The following SLC22A24 variants were observed in gnomAD, a reference collection of about 807,000 sequenced individuals.
SLC22A24 encodes solute carrier family 22 member 24, also known as steroid transmembrane transporter SLC22A24.
In SLC22A24, 53 loss-of-function variants were observed where a neutral mutation model predicts 49.8. That is an observed-to-expected ratio of 1.06 (90% CI 0.85 to 1.34). The LOEUF (loss-of-function observed/expected upper bound fraction) is 1.34, where lower values mean the gene tolerates loss of function less well. Ranked by LOEUF, SLC22A24 falls within the 40% of genes most tolerant of loss-of-function variation. The pLI, the probability that SLC22A24 is intolerant of heterozygous loss-of-function variation, is 0.00. For synonymous variants in SLC22A24, 302 were observed against 256.4 expected, an observed-to-expected ratio of 1.18 and a Z score of -1.70; for missense variants, 786 against 675.9, an observed-to-expected ratio of 1.16 and a Z score of -1.81.
At chr11:63,117,835 TAG>T (rs895407892) in intron 4 of SLC22A24, among the ~76,000 whole-genome samples, 7 of 152,236 alleles carry the variant, frequency 4.6e-5, no homozygotes, top group African/African-American at 1.7e-4. Context: ...GTTCAGTTTT[TAG>T]AGTCAAAATT....
Position 63,088,117 on chromosome 11 carries a change from C to T in SLC22A24, c.1071-4660G>A, listed in dbSNP as rs182529922. Among the ~76,000 whole-genome samples the T allele has an allele frequency of 1.4e-3, 212 of 152,322 alleles. 1 individual carries two copies. The highest frequency in any genetic ancestry group is 1.7e-3 in the Non-Finnish European group (119 of 68,032). ...TCCTCAAGTGGGTCCCTGACCCCCA[C>T]GCCTCCTGACAGGGAGAAACCTCCC... On this transcript the variant is annotated intron_variant, in intron 6 of 9. Transcript: ENST00000612278.
At chr11:63,108,215 T>G (rs1244714162) in intron 4 of SLC22A24, among the ~76,000 whole-genome samples, 2 of 152,334 alleles carry the variant, frequency 1.3e-5, no homozygotes, top group South Asian at 4.1e-4. Context: ...TCATTGGTTC[T>G]GTTTATGTGA....
rs1180962014 is a variant in SLC22A24, at chr11:63,124,925, G to A, written c.507-5590C>T. On this transcript the variant is annotated intron_variant, in intron 2 of 9. Transcript: ENST00000612278. ...CAATGAGAACACATGGACACAGGAA[G>A]GGGAACATCACACTCTGGGGACTGT... Among the ~76,000 whole-genome samples, 4 of 151,708 alleles carry A rather than the reference G, an allele frequency of 2.6e-5. No individual in the cohort carries two copies. The South Asian group carries it at 8.4e-4, about 32-fold the overall frequency.
intron 4 of SLC22A24, among the ~76,000 whole-genome samples, chr11:63,113,872 G>A (rs1171836942): frequency 2.3e-4 from 32 of 142,188 alleles, no homozygotes; most frequent in Non-Finnish European, 4.2e-4. Flanking sequence ...AAAAAAAAAA[G>A]GAATGTTGAA....
intron 4 of SLC22A24, chr11:63,116,318 A>G (rs2087212903): frequency 4.5e-6 from 1 of 223,688 alleles, no homozygotes; most frequent in Admixed American, 5.2e-5. Context: ...TGTGTTTGGT[A>G]TGGTTCTTGG....
chr11:63,136,061 GCTGAC>G (rs1304251262), intron 1 of SLC22A24, among the ~76,000 whole-genome samples: 1 of 152,210 alleles, frequency 6.6e-6, no homozygotes, highest in Non-Finnish European at 1.5e-5. Context: ...TGCCTCATGA[GCTGAC>G]TGCAAATAGA....
chr11:63,104,489 T>C (rs953174652), intron 4 of SLC22A24, among the ~76,000 whole-genome samples, 191 bp from the exon 5 acceptor site: 1 of 152,112 alleles, frequency 6.6e-6, no homozygotes, highest in Admixed American at 6.6e-5. Flanking sequence ...TAAGTGTTTG[T>C]TAAAGTGATT....
intron 4 of SLC22A24, among the ~76,000 whole-genome samples, chr11:63,116,842 C>T (rs2087216246): frequency 2.0e-5 from 3 of 152,102 alleles, no homozygotes. Flanking sequence ...TTTTTTTCTG[C>T]CTGCCCAACT....
At chr11:63,125,348 C>G (rs1425736911) in intron 2 of SLC22A24, among the ~76,000 whole-genome samples, 1 of 152,064 alleles carries the variant, frequency 6.6e-6, no homozygotes, top group Non-Finnish European at 1.5e-5. Flanking sequence ...TGATGTTCCC[C>G]TCCCTGTGTC....
Position 63,111,833 on chromosome 11 carries a change from T to G in SLC22A24, c.830+7079A>C, listed in dbSNP as rs934206390. 5.9e-5 allele frequency among the ~76,000 whole-genome samples: 9 copies of G among 152,238 alleles called. No individual in the cohort carries two copies. In the South Asian group the frequency reaches 1.7e-3, roughly 28 times the overall value. ...ATTCATTAATTTTTTGAAGGGTTTT[T>G]TGTGTCTCTATTTCCTTCATTTCTG... On this transcript the variant is annotated intron_variant, in intron 4 of 9. Coordinates refer to ENST00000612278, the MANE Select transcript of SLC22A24 (RefSeq NM_001136506.2).
chr11:63,119,272 C>G lies in SLC22A24; in HGVS notation c.570G>C (p.Ala190=). ...AAACAAGGAAGGTGGGAGCGAAGGC[C>G]GCACAGGTGTTAGAGATGGCCAGCT... The part of the protein sequence containing the change: ...FLQLAISNTC[A]AFAPTFLVYC... Residue 190 remains alanine (A), a synonymous_variant, in exon 3 of 10, where the codon GCG becomes GCC. Transcript: ENST00000612278. 6.4e-7 allele frequency: 1 copy of G among 1,551,424 alleles called. No homozygotes were observed. Among genetic ancestry groups the G allele is most frequent in the Non-Finnish European group, 8.7e-7 (1 of 1,146,866 alleles).
At chr11:63,107,290 T>C (rs1460792291) in intron 4 of SLC22A24, among the ~76,000 whole-genome samples, 9 of 152,194 alleles carry the variant, frequency 5.9e-5, no homozygotes, top group Admixed American at 1.3e-4. Flanking sequence ...CATTGGTCTA[T>C]ATCTCTGTTT....
At chr11:63,113,067 T>C (rs181021889) in intron 4 of SLC22A24, among the ~76,000 whole-genome samples, 47 of 1,382 alleles carry the variant, frequency 0.034, 19 homozygotes, top group Admixed American at 0.056. Flanking sequence ...TATATATATA[T>C]ACATATATAT....
chr11:63,091,620 C>G (rs1413833742), intron 6 of SLC22A24, among the ~76,000 whole-genome samples: 1 of 152,134 alleles, frequency 6.6e-6, no homozygotes, highest in African/African-American at 2.4e-5. Flanking sequence ...AAACAATAAA[C>G]ATAATCCATC....
chr11:63,134,106 T>A (rs572817283), intron 2 of SLC22A24, among the ~76,000 whole-genome samples: 1 of 152,348 alleles, frequency 6.6e-6, no homozygotes, highest in Admixed American at 6.5e-5. Flanking sequence ...TGCAATGTCT[T>A]CCTATCCTGT....
chr11:63,091,539 C>G (rs1018721909), intron 6 of SLC22A24, among the ~76,000 whole-genome samples: 10 of 152,186 alleles, frequency 6.6e-5, no homozygotes, highest in African/African-American at 2.4e-4. Flanking sequence ...TTCAGCAGCA[C>G]ATCAAAAAGC....
intron 2 of SLC22A24, among the ~76,000 whole-genome samples, chr11:63,125,279 G>A (rs1331800377): frequency 6.6e-6 from 1 of 151,870 alleles, no homozygotes; most frequent in African/African-American, 2.4e-5. Flanking sequence ...TCTACATTAG[G>A]TATTTCTCCT....
At chr11:63,096,555 C>A (rs1030533367) in intron 5 of SLC22A24, among the ~76,000 whole-genome samples, 7 of 152,118 alleles carry the variant, frequency 4.6e-5, no homozygotes, top group African/African-American at 1.7e-4. Flanking sequence ...AGCAATTATT[C>A]TCTAGATATG....
In SLC22A24 at chr11:63,104,170, A is replaced by G; in HGVS notation, c.954+5T>C. The G allele has an allele frequency of 6.5e-7, 1 of 1,549,032 alleles. No homozygotes were observed. The highest frequency in any genetic ancestry group is 8.7e-7 in the Non-Finnish European group (1 of 1,146,740). On this transcript the variant is annotated splice_donor_5th_base_variant and intron_variant, in intron 5 of 9. Coordinates refer to ENST00000612278, the MANE Select transcript of SLC22A24 (RefSeq NM_001136506.2). ...CACAGCAATCATTTCCCCTTTCCAG[A>G]TCACCTCAGTGGTCAGTGTCTCTTC...
Sources: gnomAD v4.1 joint callset for allele counts (sites outside exome capture counted in the v4.1 genomes callset) on GRCh38, gnomAD v4.1.1 for gene constraint, MANE v1.5 for transcripts, NCBI Gene and HGNC (gene_info 2026-07-23, HGNC 2026-07-21) for gene names.